Variants in UPP2 observed in about 807,000 individuals in gnomAD.
UPP2 encodes uridine phosphorylase 2, also known as UPase 2.
A neutral mutation model predicts 26.7 loss-of-function variants in UPP2; 23 were observed. The observed-to-expected ratio is 0.86, with a 90% CI of 0.62 to 1.22. UPP2 has a LOEUF of 1.22. Ranked by LOEUF, UPP2 falls within the 50% of genes most tolerant of loss-of-function variation. UPP2 has a pLI of 0.00. For missense variants in UPP2, 387 were observed against 396.7 expected (o/e 0.98, Z 0.21); for synonymous variants, 127 against 141.3 (o/e 0.90, Z 0.72).
rs1683399856 is a variant in UPP2, at chr2:158,115,151, T to C, written c.231T>C (p.Phe77=). The C allele has an allele frequency of 6.2e-7, 1 of 1,613,566 alleles. No homozygotes were observed. Among genetic ancestry groups the C allele is most frequent in the Admixed American group, 1.7e-5 (1 of 59,940 alleles). ...SPNRMKAFAL[F]MHKELGFEEA... is the part of the protein sequence containing the mutation. ...ACAGAATGAAAGCATTTGCACTGTTTATGCACAAGGAGCTCGGGTTTGAGG... is the reference window on the plus strand; with the variant it reads ...ACAGAATGAAAGCATTTGCACTGTTCATGCACAAGGAGCTCGGGTTTGAGG... The change falls in exon 3 of 7, where the codon TTT becomes TTC. Residue 77 remains phenylalanine, a synonymous_variant. Transcript: ENST00000005756.
At position 158,134,861 on chromosome 2, in the gene UPP2, A is replaced by T; in HGVS notation, c.925A>T (p.Ile309Phe). 6.2e-7 allele frequency: 1 copy of T among 1,613,618 alleles called. No individual in the cohort carries two copies. ...QRPQLLISNFIRRRLGLCD is the reference protein window; with the variant it reads ...QRPQLLISNFFRRRLGLCD ...GCCTCAGCTCCTAATCTCCAACTTC[A>T]TCAGACGGCGGCTTGGACTTTGTGA... The change falls in exon 7 of 7, where the codon ATC becomes TTC. Residue 309 changes from isoleucine (I) to phenylalanine (F), a missense_variant. Ile to Phe is a conservative substitution (Grantham distance 21). Transcript: ENST00000005756.
At chr2:158,058,030 C>T (rs1682275891) in intron 3 of UPP2, among the ~76,000 whole-genome samples, 1 of 152,166 alleles carries the variant, frequency 6.6e-6, no homozygotes, top group Admixed American at 6.5e-5. Flanking sequence ...CAGTGGCTCA[C>T]TCCTGTAATC....
At chr2:158,071,191 T>C (rs528882949) in intron 3 of UPP2, among the ~76,000 whole-genome samples, 1 of 152,188 alleles carries the variant, frequency 6.6e-6, no homozygotes, top group South Asian at 2.1e-4. Context: ...TAGGGAGACA[T>C]CAGCTGGGGT....
intron 3 of UPP2, among the ~76,000 whole-genome samples, chr2:158,032,740 C>G (rs1042043737): frequency 2.0e-5 from 3 of 152,110 alleles, no homozygotes. Flanking sequence ...TTAGAGAGCA[C>G]TACAAAGGCT....
chr2:158,110,572 T>A (rs938289890), intron 2 of UPP2, among the ~76,000 whole-genome samples: 6 of 152,142 alleles, frequency 3.9e-5, no homozygotes, highest in Non-Finnish European at 8.8e-5. Context: ...TAGTTCTAGA[T>A]CCTTGAGGAC....
intron 3 of UPP2, among the ~76,000 whole-genome samples, chr2:158,075,461 T>TA (rs1005672412): frequency 2.6e-5 from 4 of 151,890 alleles, no homozygotes; most frequent in Non-Finnish European, 4.4e-5. Context: ...CTTAAAACAT[T>TA]AAAAAAACTG....
chr2:158,017,860 A>T (rs1683684888), intron 3 of UPP2, among the ~76,000 whole-genome samples: 1 of 152,238 alleles, frequency 6.6e-6, no homozygotes, highest in African/African-American at 2.4e-5. Flanking sequence ...AAGCACAAAC[A>T]ATTCATTTTC....
At chr2:158,018,480 C>T (rs1052100370) in intron 3 of UPP2, among the ~76,000 whole-genome samples, 1 of 152,196 alleles carries the variant, frequency 6.6e-6, no homozygotes, top group Non-Finnish European at 1.5e-5. Flanking sequence ...TTTCTCTCAG[C>T]TCCCATCCTT....
chr2:158,100,093 G>A (rs1208242945), upstream of UPP2, among the ~76,000 whole-genome samples: 2 of 152,184 alleles, frequency 1.3e-5, no homozygotes, highest in Non-Finnish European at 2.9e-5. Flanking sequence ...TACCATAAGA[G>A]CAGGATCGAG....
intron 3 of UPP2, among the ~76,000 whole-genome samples, chr2:158,080,123 A>G (rs775104774): frequency 6.6e-6 from 1 of 152,152 alleles, no homozygotes; most frequent in Non-Finnish European, 1.5e-5. Context: ...TGCTTCTTTA[A>G]TTACATATTC....
chr2:158,089,992 C>G lies in UPP2; in HGVS notation c.148-12048C>G, dbSNP rs189520075. 3.7e-3 allele frequency among the ~76,000 whole-genome samples: 559 copies of G among 152,134 alleles called. 5 individuals carry two copies. Among genetic ancestry groups the G allele is most frequent in the African/African-American group, 0.013 (541 of 41,490 alleles). On this transcript the variant is annotated intron_variant, in intron 3 of 9. Transcript: ENST00000605860. Reference sequence around the variant, plus strand: ...GCTGCTCTGTCCATCCGAGTGGGAGCTGCAAATTAGTCCTGCCTCCTATCC... The same window carrying G: ...GCTGCTCTGTCCATCCGAGTGGGAGGTGCAAATTAGTCCTGCCTCCTATCC...
intron 3 of UPP2, among the ~76,000 whole-genome samples, chr2:158,077,360 A>G (rs528883470): frequency 2.0e-5 from 3 of 152,150 alleles, no homozygotes; most frequent in African/African-American, 4.8e-5. Flanking sequence ...AAAGAACAAA[A>G]CTGGAGGAAT....
intron 4 of UPP2, among the ~76,000 whole-genome samples, chr2:158,118,277 T>C (rs1273811148): frequency 6.6e-6 from 1 of 150,468 alleles, no homozygotes; most frequent in Non-Finnish European, 1.5e-5. Context: ...CAGAAATAAG[T>C]GTGTTCAAGT....
intron 2 of UPP2, among the ~76,000 whole-genome samples, chr2:158,111,657 T>A (rs1259070882): frequency 6.6e-6 from 1 of 152,188 alleles, no homozygotes; most frequent in Non-Finnish European, 1.5e-5. Flanking sequence ...TTTATTCCTC[T>A]TTCCAGCTTT....
At chr2:158,025,414 G>A (rs1322262950) in intron 3 of UPP2, among the ~76,000 whole-genome samples, 1 of 152,092 alleles carries the variant, frequency 6.6e-6, no homozygotes, top group Non-Finnish European at 1.5e-5. Flanking sequence ...CTGGAGTGTG[G>A]AGGCCAGCAG....
At chr2:158,082,177 T>C (rs528084956) in intron 3 of UPP2, among the ~76,000 whole-genome samples, 9 of 152,280 alleles carry the variant, frequency 5.9e-5, no homozygotes, top group African/African-American at 2.2e-4. Context: ...CTCGAACTCC[T>C]GACCTCAAGT....
At chr2:158,074,077 C>A (rs910245284) in intron 3 of UPP2, among the ~76,000 whole-genome samples, 5 of 152,064 alleles carry the variant, frequency 3.3e-5, no homozygotes, top group Non-Finnish European at 5.9e-5. Flanking sequence ...ACTTGGGAAG[C>A]TGAGGAGGGA....
chr2:158,121,765 T>G, intron 5 of UPP2, 147 bp downstream of exon 5: 2 of 719,496 alleles, frequency 2.8e-6, no homozygotes, highest in South Asian at 1.9e-5. Flanking sequence ...TTTTACTTAC[T>G]AAAGCATAGA....
At chr2:158,093,731 T>C (rs541913185) in intron 3 of UPP2, among the ~76,000 whole-genome samples, 1 of 152,184 alleles carries the variant, frequency 6.6e-6, no homozygotes, top group East Asian at 1.9e-4. Context: ...TTGGCAACAA[T>C]ATGGGGAAAT....
Sources: gnomAD v4.1 joint callset for allele counts (sites outside exome capture counted in the v4.1 genomes callset) on GRCh38, gnomAD v4.1.1 for gene constraint, MANE v1.5 for transcripts, NCBI Gene and HGNC (gene_info 2026-07-23, HGNC 2026-07-21) for gene names.